Variants in TMEM178B observed in about 807,000 individuals in gnomAD.
TMEM178B encodes transmembrane protein 178B.
In TMEM178B, 5 loss-of-function variants were observed where a neutral mutation model predicts 31.0. The ratio of observed to expected loss-of-function variants is 0.16; its 90% confidence interval spans 0.08 to 0.34. The LOEUF is 0.34. Among genes scored for constraint, TMEM178B ranks in the 10% least tolerant of loss-of-function variants. TMEM178B has a pLI of 1.00. For synonymous variants in TMEM178B, 164 were observed against 164.0 expected (o/e 1.00, Z 0.00); for missense variants, 275 against 400.3 (o/e 0.69, Z 2.67).
At chr7:141,409,157 G>A (rs977884720) in intron 2 of TMEM178B, among the ~76,000 whole-genome samples, 1 of 152,114 alleles carries the variant, frequency 6.6e-6, no homozygotes, top group African/African-American at 2.4e-5. Context: ...GCAGAGACTC[G>A]ATGCACGTAC....
intron 1 of TMEM178B, among the ~76,000 whole-genome samples, chr7:141,166,002 A>C (rs1315060680): frequency 3.3e-5 from 5 of 152,200 alleles, no homozygotes; most frequent in African/African-American, 1.2e-4. Context: ...GTGGAAATGT[A>C]GTCTTTATTT....
chr7:141,357,340 C>A (rs2116540611), intron 2 of TMEM178B, among the ~76,000 whole-genome samples: 1 of 152,222 alleles, frequency 6.6e-6, no homozygotes, highest in South Asian at 2.1e-4. Flanking sequence ...TGATCCTAAA[C>A]TCATCTCATT....
intron 3 of TMEM178B, among the ~76,000 whole-genome samples, chr7:141,459,993 C>T (rs1802034190): frequency 6.6e-6 from 1 of 151,328 alleles, no homozygotes; most frequent in Non-Finnish European, 1.5e-5. Context: ...GTATTATTTT[C>T]TGTGGCTATG....
chr7:141,432,146 C>CTTTTTTTTTTTTTTTTTT lies in TMEM178B; in HGVS notation c.497-5451_497-5434dup, dbSNP rs71170797. Among the ~76,000 whole-genome samples the CTTTTTTTTTTTTTTTTTT allele has an allele frequency of 5.1e-4, 40 of 79,084 alleles. 2 individuals carry two copies. The highest frequency in any genetic ancestry group is 1.2e-3 in the African/African-American group (23 of 19,640). 51.9% of individuals were successfully genotyped at this position (79,084 alleles called of 152,430 possible). Reference sequence around the variant, plus strand: ...TTTCTTTTTCTCTCCTTCACTGCATCTTTTTTTTTTTTTTTTTTTTTTTTT... The same window carrying CTTTTTTTTTTTTTTTTTT: ...TTTCTTTTTCTCTCCTTCACTGCATCTTTTTTTTTTTTTTTTTTTTTTTTTTTTTTTTTTTTTTTTTTT... On this transcript the variant is annotated intron_variant, in intron 2 of 3. Transcript: ENST00000565468.
intron 2 of TMEM178B, among the ~76,000 whole-genome samples, chr7:141,310,379 T>A (rs768968017): frequency 8.5e-5 from 13 of 152,180 alleles, no homozygotes; most frequent in Non-Finnish European, 1.6e-4. Context: ...CGAGACACTA[T>A]CTCATGCCAG....
chr7:141,315,221 G>A (rs1466787450), intron 2 of TMEM178B, among the ~76,000 whole-genome samples: 1 of 152,158 alleles, frequency 6.6e-6, no homozygotes, highest in African/African-American at 2.4e-5. Context: ...ACCAACTTCT[G>A]TTGCACCTCT....
chr7:141,447,304 A>G (rs1456558725), intron 3 of TMEM178B, among the ~76,000 whole-genome samples: 2 of 152,070 alleles, frequency 1.3e-5, no homozygotes, highest in South Asian at 2.1e-4. Flanking sequence ...ATGTTTGAAC[A>G]GGGCTTGAAT....
At chr7:141,408,448 C>T (rs1401287062) in intron 2 of TMEM178B, among the ~76,000 whole-genome samples, 1 of 152,210 alleles carries the variant, frequency 6.6e-6, no homozygotes, top group Non-Finnish European at 1.5e-5. Flanking sequence ...TTCATTTCAG[C>T]AGGTCTGGAG....
chr7:141,322,147 C>G (rs897141092), intron 2 of TMEM178B, among the ~76,000 whole-genome samples: 4 of 152,072 alleles, frequency 2.6e-5, no homozygotes, highest in African/African-American at 9.7e-5. Flanking sequence ...ATAAATGTAG[C>G]CTTTTTTGTT....
intron 1 of TMEM178B, among the ~76,000 whole-genome samples, chr7:141,178,925 C>T (rs902617080): frequency 7.9e-5 from 12 of 152,176 alleles, no homozygotes; most frequent in Non-Finnish European, 1.5e-4. Context: ...GACTCTCCTG[C>T]GACTAAAGAA....
chr7:141,390,513 C>T (rs1769151248), intron 2 of TMEM178B, among the ~76,000 whole-genome samples: 1 of 152,240 alleles, frequency 6.6e-6, no homozygotes, highest in South Asian at 2.1e-4. Context: ...AGGGGCTGGC[C>T]TCATCCCCAG....
intron 2 of TMEM178B, among the ~76,000 whole-genome samples, chr7:141,286,596 T>A (rs955806718): frequency 6.6e-6 from 1 of 152,200 alleles, no homozygotes; most frequent in Non-Finnish European, 1.5e-5. Context: ...TTGCTGTCCA[T>A]GCGAGCCTGT....
At chr7:141,508,043 T>C in the TMEM178B span, among the ~76,000 whole-genome samples, 2 of 152,244 alleles carry the variant, frequency 1.3e-5, no homozygotes, top group Non-Finnish European at 2.9e-5. Flanking sequence ...GGTTTTCCTT[T>C]TTTATCACTT....
chr7:141,430,665 G>GT (rs1049416309), intron 2 of TMEM178B, among the ~76,000 whole-genome samples: 3 of 151,860 alleles, frequency 2.0e-5, no homozygotes, highest in African/African-American at 7.3e-5. Context: ...GGTGGTTGCT[G>GT]TGCAGTGATT....
chr7:141,145,873 AC>A (rs1460347947), intron 1 of TMEM178B, among the ~76,000 whole-genome samples: 1 of 152,168 alleles, frequency 6.6e-6, no homozygotes, highest in African/African-American at 2.4e-5. Context: ...CTTTTAAAAT[AC>A]TTTGCTGGCC....
chr7:141,224,788 GGTGC>G (rs1409811207), intron 2 of TMEM178B, among the ~76,000 whole-genome samples: 1 of 152,182 alleles, frequency 6.6e-6, no homozygotes, highest in Non-Finnish European at 1.5e-5. Flanking sequence ...CTGGGATGTG[GGTGC>G]GATGACACCC....
At chr7:141,332,106 T>C (rs1326904049) in intron 2 of TMEM178B, among the ~76,000 whole-genome samples, 1 of 152,176 alleles carries the variant, frequency 6.6e-6, no homozygotes, top group Non-Finnish European at 1.5e-5. Context: ...TCATTCGAAG[T>C]CAGTCTAACT....
intron 1 of TMEM178B, among the ~76,000 whole-genome samples, chr7:141,201,517 A>T (rs910670055): frequency 6.6e-6 from 1 of 152,200 alleles, no homozygotes; most frequent in East Asian, 1.9e-4. Context: ...ACCATGGAGC[A>T]GGTTTTACAT....
At chr7:141,228,067 CAT>C (rs1797375428) in intron 2 of TMEM178B, among the ~76,000 whole-genome samples, 1 of 152,180 alleles carries the variant, frequency 6.6e-6, no homozygotes, top group East Asian at 1.9e-4. Context: ...CATGCACACA[CAT>C]ATCACATTCA....
Sources: gnomAD v4.1 joint callset for allele counts (sites outside exome capture counted in the v4.1 genomes callset) on GRCh38, gnomAD v4.1.1 for gene constraint, MANE v1.5 for transcripts, NCBI Gene and HGNC (gene_info 2026-07-23, HGNC 2026-07-21) for gene names.